CHST10: variants seen among roughly 807,000 people sequenced by gnomAD.
The protein encoded by CHST10 is carbohydrate sulfotransferase 10.
A neutral mutation model predicts 34.7 loss-of-function variants in CHST10; 24 were observed. The observed-to-expected ratio is 0.69, with a 90% CI of 0.50 to 0.97. The LOEUF is 0.97. Ranked by LOEUF, CHST10 falls within the 50% of genes least tolerant of loss-of-function variation. The probability of loss-of-function intolerance (pLI) is 0.00; values close to 1 mark genes in which losing one functional copy is unlikely to be tolerated. For missense variants in CHST10, 402 were observed against 452.1 expected, an observed-to-expected ratio of 0.89 and a Z score of 1.00; for synonymous variants, 161 against 169.3, an observed-to-expected ratio of 0.95 and a Z score of 0.38.
chr2:100,396,459 G>A (rs984551113), intron 5 of CHST10, among the ~76,000 whole-genome samples: 16 of 152,212 alleles, frequency 1.1e-4, no homozygotes, highest in Non-Finnish European at 1.8e-4. Flanking sequence ...ATCCATCTTT[G>A]TGTTAATCCG....
chr2:100,409,906 G>A (rs949447040), intron 2 of CHST10, among the ~76,000 whole-genome samples: 5 of 152,164 alleles, frequency 3.3e-5, no homozygotes, highest in African/African-American at 4.8e-5. Context: ...ATTAGGATAG[G>A]AGAAGGGTGG....
intron 5 of CHST10, among the ~76,000 whole-genome samples, chr2:100,396,225 C>G (rs1177030282): frequency 6.6e-6 from 1 of 152,046 alleles, no homozygotes; most frequent in Non-Finnish European, 1.5e-5. Flanking sequence ...ACATTTGAGA[C>G]AGGAGTCAAA....
At chr2:100,403,855 C>T (rs1188292266) in intron 3 of CHST10, among the ~76,000 whole-genome samples, 2 of 152,178 alleles carry the variant, frequency 1.3e-5, no homozygotes, top group African/African-American at 4.8e-5. Flanking sequence ...CCTTTATGGC[C>T]ACGAGCTTAG....
At chr2:100,399,101 T>TC (rs1179733935) in intron 4 of CHST10, among the ~76,000 whole-genome samples, 1 of 122,448 alleles carries the variant, frequency 8.2e-6, no homozygotes, top group Admixed American at 8.9e-5. Flanking sequence ...TCTCTCTCTC[T>TC]CTTTTTTTTT....
In CHST10 at chr2:100,406,660, G is replaced by A; in HGVS notation, c.16C>T (p.Leu6Phe). 2 of 1,614,166 alleles carry A rather than the reference G, an allele frequency of 1.2e-6. No homozygotes were observed. Among genetic ancestry groups the A allele is most frequent in the Non-Finnish European group, 1.7e-6 (2 of 1,180,032 alleles). Reference sequence around the variant, plus strand: ...ACCCAAAAGCATGCGGCCAGCAGAAGCCACTGGTGGTGCATGTTGTCACAC... The same window carrying A: ...ACCCAAAAGCATGCGGCCAGCAGAAACCACTGGTGGTGCATGTTGTCACAC... MHHQWLLLAACFWVIF... is the reference protein window; with the variant it reads MHHQWFLLAACFWVIF... Residue 6 changes from leucine (L) to phenylalanine (F), a missense_variant, in exon 3 of 7, where the codon CTT (leucine) becomes TTT (phenylalanine). Transcript: ENST00000264249.
chr2:100,392,810 C>A lies in CHST10; in HGVS notation c.*435G>T. 1 of 179,050 alleles carries A rather than the reference C, an allele frequency of 5.6e-6. No individual in the cohort carries two copies. Among genetic ancestry groups the A allele is most frequent in the African/African-American group, 2.3e-5 (1 of 42,570 alleles). The allele number at this position is 179,050 out of a possible 1,614,324, so 11.1% of individuals were successfully genotyped here. ...CAGCCCCCTTGCTTCTCTGTCCCTC[C>A]TCAGAGTCCTGGGTGCTGTTCCTGC... On this transcript the variant is annotated 3_prime_UTR_variant, in exon 7 of 7. Coordinates refer to ENST00000264249, the MANE Select transcript of CHST10 (RefSeq NM_004854.5).
At position 100,393,122 on chromosome 2, in the gene CHST10, G is replaced by A. The variant is rs1295773332; in HGVS notation, c.*123C>T. The stretch of plus-strand genomic sequence containing the variant: ...ATATGCCGAGGCAACTCACAGGCCT[G>A]TGGGAGACCCCGGGCGTCCTCAAAG... On this transcript the variant is annotated 3_prime_UTR_variant, in exon 7 of 7. Transcript: ENST00000264249. 12 of 1,036,160 alleles carry A rather than the reference G, an allele frequency of 1.2e-5. No individual in the cohort carries two copies. Among genetic ancestry groups the A allele is most frequent in the Non-Finnish European group, 1.7e-5 (12 of 701,992 alleles). The allele number at this position is 1,036,160 out of a possible 1,614,324, so 64.2% of individuals were successfully genotyped here. A position where few individuals can be genotyped will look rare whatever the true frequency, so the allele number is the denominator to read the frequency against.
chr2:100,403,340 C>T (rs1010425225), intron 3 of CHST10, among the ~76,000 whole-genome samples: 1 of 152,184 alleles, frequency 6.6e-6, no homozygotes. Context: ...CATATGATTC[C>T]ATCACATTCC....
chr2:100,412,329 T>A (rs111355029), intron 2 of CHST10, among the ~76,000 whole-genome samples: 321 of 152,256 alleles, frequency 2.1e-3, no homozygotes, highest in African/African-American at 7.1e-3. Context: ...TTTTGATGAA[T>A]CCTAAAGAGT....
chr2:100,409,078 C>T (rs938841969), intron 2 of CHST10, among the ~76,000 whole-genome samples: 3 of 152,150 alleles, frequency 2.0e-5, no homozygotes, highest in African/African-American at 4.8e-5. Flanking sequence ...CTGCAGGTGA[C>T]GCGCTGACTC....
chr2:100,398,485 C>T (rs913059642), intron 4 of CHST10, among the ~76,000 whole-genome samples: 2 of 152,120 alleles, frequency 1.3e-5, no homozygotes, highest in African/African-American at 2.4e-5. Flanking sequence ...GTGGGCAGAT[C>T]CCAAGGTCAG....
At chr2:100,414,296 A>G (rs748857753) in intron 2 of CHST10, among the ~76,000 whole-genome samples, 1 of 152,104 alleles carries the variant, frequency 6.6e-6, no homozygotes, top group Non-Finnish European at 1.5e-5. Flanking sequence ...CTCACCTCAT[A>G]CACATACCAG....
At chr2:100,403,298 C>T (rs193076527) in intron 3 of CHST10, among the ~76,000 whole-genome samples, 38 of 152,278 alleles carry the variant, frequency 2.5e-4, no homozygotes, top group African/African-American at 8.9e-4. Context: ...AAACACAAAC[C>T]AGGTCCACAA....
intron 2 of CHST10, chr2:100,407,728 T>C (rs1351239877): frequency 6.6e-6 from 1 of 152,164 alleles, no homozygotes; most frequent in African/African-American, 2.4e-5. Flanking sequence ...ATAGGATCCA[T>C]GACACACCCA....
intron 6 of CHST10, 32 bp downstream of exon 6, chr2:100,395,477 T>C (rs543485710): frequency 6.3e-7 from 1 of 1,581,688 alleles, no homozygotes; most frequent in Non-Finnish European, 8.7e-7. Context: ...TTACAAAAAC[T>C]CCCCCCTCCC....
At chr2:100,401,410 A>T (rs1165272090) in intron 4 of CHST10, among the ~76,000 whole-genome samples, 1 of 151,994 alleles carries the variant, frequency 6.6e-6, no homozygotes, top group East Asian at 1.9e-4. Flanking sequence ...CAGGCTGGCA[A>T]TCTCTCCGGG....
intron 4 of CHST10, among the ~76,000 whole-genome samples, chr2:100,400,124 C>G (rs1193159781): frequency 6.6e-6 from 1 of 152,220 alleles, no homozygotes; most frequent in Non-Finnish European, 1.5e-5. Flanking sequence ...GGAGAGAGCA[C>G]CTCCCAACAA....
intron 4 of CHST10, among the ~76,000 whole-genome samples, chr2:100,398,877 A>C (rs1179265652): frequency 1.3e-5 from 2 of 152,046 alleles, no homozygotes; most frequent in Non-Finnish European, 2.9e-5. Flanking sequence ...CATGGGTTGG[A>C]GGGGGCACAG....
intron 1 of CHST10, 67 bp downstream of exon 1, chr2:100,417,307 T>C (rs1676107865): frequency 5.8e-6 from 2 of 345,704 alleles, no homozygotes; most frequent in South Asian, 2.2e-5. Flanking sequence ...GGTTTTTCCG[T>C]GCGCCCCGCG....
Sources: allele counts gnomAD v4.1 joint callset (sites outside exome capture counted in the v4.1 genomes callset), GRCh38; gene constraint gnomAD v4.1.1; transcripts MANE v1.5; gene names NCBI Gene and HGNC (gene_info 2026-07-23, HGNC 2026-07-21).